GSE1: variants seen among roughly 807,000 people sequenced by gnomAD.
GSE1 encodes the protein genetic suppressor element 1.
Under a neutral mutation model 112.6 loss-of-function variants are expected in GSE1, and 32 were observed. That is an observed-to-expected ratio of 0.28 (90% CI 0.21 to 0.38). GSE1 has a LOEUF of 0.38. Ranked by LOEUF, GSE1 falls within the 10% of genes least tolerant of loss-of-function variation. The pLI is 1.00. For missense variants in GSE1, 2,348 were observed against 1,699.2 expected, an observed-to-expected ratio of 1.38 and a Z score of -6.71; for synonymous variants, 1,115 against 735.6, an observed-to-expected ratio of 1.52 and a Z score of -8.35.
chr16:85,287,831 G>A (rs1244541769), intron 1 of GSE1, among the ~76,000 whole-genome samples: 1 of 152,126 alleles, frequency 6.6e-6, no homozygotes, highest in African/African-American at 2.4e-5. Flanking sequence ...GGAGCCGCAG[G>A]AGCTCCATGG....
chr16:85,182,736 C>G (rs994108325), intron 1 of GSE1, among the ~76,000 whole-genome samples: 2 of 152,100 alleles, frequency 1.3e-5, no homozygotes, highest in African/African-American at 4.8e-5. Context: ...CAGGCCAAGC[C>G]AACAGGCGTG....
intron 1 of GSE1, among the ~76,000 whole-genome samples, chr16:85,284,539 T>C (rs892702843): frequency 2.0e-5 from 3 of 152,174 alleles, no homozygotes; most frequent in African/African-American, 7.2e-5. Flanking sequence ...GATTTTCATG[T>C]CCACCAATTA....
intron 2 of GSE1, among the ~76,000 whole-genome samples, chr16:85,377,715 C>A (rs987748085): frequency 6.6e-6 from 1 of 152,192 alleles, no homozygotes; most frequent in African/African-American, 2.4e-5. Flanking sequence ...CTGTTGTTCC[C>A]GGGAGTGGCC....
intron 1 of GSE1, among the ~76,000 whole-genome samples, chr16:85,601,889 G>A (rs190910350): frequency 1.3e-5 from 2 of 152,314 alleles, no homozygotes; most frequent in African/African-American, 2.4e-5. Flanking sequence ...TCGAGCCCGC[G>A]AGTGATAAAG....
Position 85,675,791 on chromosome 16 carries a change from A to G in GSE1, c.*3252A>G, listed in dbSNP as rs1338035293. The G allele has an allele frequency of 6.6e-6, 1 of 152,250 alleles. No homozygotes were observed. Among genetic ancestry groups the G allele is most frequent in the Non-Finnish European group, 1.5e-5 (1 of 68,044 alleles). The allele number at this position is 152,250 out of a possible 1,614,324, so 9.4% of individuals were successfully genotyped here. ...GCACAAACCGATTCTGTTCCTCTTT[A>G]AAGTGTATATTAGCCACTTAGCAAT... On this transcript the variant is annotated 3_prime_UTR_variant, in exon 16 of 16. Coordinates refer to ENST00000253458, the MANE Select transcript of GSE1 (RefSeq NM_014615.5).
chr16:85,280,341 C>T (rs1049467808), intron 1 of GSE1, among the ~76,000 whole-genome samples: 4 of 152,214 alleles, frequency 2.6e-5, no homozygotes, highest in Admixed American at 1.3e-4. Context: ...TCTCAGATTC[C>T]ACCCGTGGAA....
chr16:85,250,851 C>T (rs1783655732), intron 1 of GSE1, among the ~76,000 whole-genome samples: 1 of 151,280 alleles, frequency 6.6e-6, no homozygotes, highest in African/African-American at 2.4e-5. Context: ...CCCTGGCAAC[C>T]ACCCATCTAC....
At chr16:85,400,927 A>G (rs2048099079) in intron 2 of GSE1, among the ~76,000 whole-genome samples, 2 of 152,068 alleles carry the variant, frequency 1.3e-5, no homozygotes, top group African/African-American at 2.4e-5. Flanking sequence ...GGAAGGGGTC[A>G]TAATGGAGAC....
At chr16:85,256,823 G>A (rs1483193178) in intron 1 of GSE1, among the ~76,000 whole-genome samples, 1 of 152,260 alleles carries the variant, frequency 6.6e-6, no homozygotes, top group East Asian at 1.9e-4. Flanking sequence ...GCCCAGGACT[G>A]TCACCACACG....
intron 2 of GSE1, among the ~76,000 whole-genome samples, chr16:85,398,419 C>G (rs374868147): frequency 2.6e-5 from 4 of 152,076 alleles, no homozygotes; most frequent in Admixed American, 1.3e-4. Context: ...GTCAGCAGGT[C>G]TGGGTCCAGT....
chr16:85,550,832 G>C (rs2044882811), intron 2 of GSE1, among the ~76,000 whole-genome samples: 1 of 152,228 alleles, frequency 6.6e-6, no homozygotes, highest in South Asian at 2.1e-4. Context: ...GTTGGGTGGG[G>C]GGCTGCATCT....
intron 15 of GSE1, among the ~76,000 whole-genome samples, 180 bp downstream of exon 15, chr16:85,671,278 A>C (rs932485729): frequency 2.6e-5 from 4 of 151,664 alleles, no homozygotes; most frequent in African/African-American, 9.7e-5. Context: ...GTCTCTACTA[A>C]AAATACAAAA....
chr16:85,444,405 G>A (rs2049457214), intron 2 of GSE1, among the ~76,000 whole-genome samples: 1 of 152,188 alleles, frequency 6.6e-6, no homozygotes, highest in African/African-American at 2.4e-5. Flanking sequence ...GTTCATAGGT[G>A]CCGTTTCCAG....
chr16:85,452,139 G>A (rs554778504), intron 2 of GSE1, among the ~76,000 whole-genome samples: 22 of 152,206 alleles, frequency 1.4e-4, no homozygotes, highest in African/African-American at 5.3e-4. Flanking sequence ...TTAATGAAAC[G>A]AATGGGAGTG....
At chr16:85,354,886 AG>A (rs1346813963) in intron 1 of GSE1, among the ~76,000 whole-genome samples, 1 of 152,216 alleles carries the variant, frequency 6.6e-6, no homozygotes, top group Non-Finnish European at 1.5e-5. Context: ...CTCAGTCCCC[AG>A]GGTGGGAACC....
chr16:85,524,097 G>A (rs1036475667), intron 2 of GSE1, among the ~76,000 whole-genome samples: 10 of 152,166 alleles, frequency 6.6e-5, no homozygotes, highest in Admixed American at 3.3e-4. Context: ...TCTGACTTCC[G>A]GGGCCCAGGT....
At chr16:85,475,577 G>A (rs1597871495) in intron 2 of GSE1, among the ~76,000 whole-genome samples, 1 of 152,316 alleles carries the variant, frequency 6.6e-6, no homozygotes, top group Non-Finnish European at 1.5e-5. Flanking sequence ...TGGATTATTT[G>A]TAGCATGCCT....
At chr16:85,299,170 G>A (rs2045449206) in intron 1 of GSE1, among the ~76,000 whole-genome samples, 1 of 152,176 alleles carries the variant, frequency 6.6e-6, no homozygotes, top group Admixed American at 6.5e-5. Context: ...TGTCTTTTTC[G>A]GGGAAAATAC....
At chr16:85,551,455 G>T (rs1462975411), upstream of GSE1, among the ~76,000 whole-genome samples, 1 of 152,222 alleles carries the variant, frequency 6.6e-6, no homozygotes, top group Non-Finnish European at 1.5e-5. Flanking sequence ...AAAAGCCACA[G>T]CCAAGCCACA....
Sources: allele counts gnomAD v4.1 joint callset (sites outside exome capture counted in the v4.1 genomes callset), GRCh38; gene constraint gnomAD v4.1.1; transcripts MANE v1.5; gene names NCBI Gene and HGNC (gene_info 2026-07-23, HGNC 2026-07-21).